Variants in SRBD1 observed in about 807,000 individuals in gnomAD.
SRBD1 encodes S1 RNA-binding domain-containing protein 1.
In SRBD1, 88 loss-of-function variants were observed where a neutral mutation model predicts 115.3. The ratio of observed to expected loss-of-function variants is 0.76; its 90% CI spans 0.64 to 0.91. SRBD1 has a LOEUF of 0.91. SRBD1 is among the 40% of genes least tolerant of loss of function. The pLI, the probability that SRBD1 is intolerant of heterozygous loss-of-function variation, is 0.00. For synonymous variants in SRBD1, 509 were observed against 407.7 expected (o/e 1.25, Z -2.99); for missense variants, 1,385 against 1,177.4 (o/e 1.18, Z -2.58).
At position 45,419,897 on chromosome 2, in the gene SRBD1, GA is replaced by G; in HGVS notation, c.2050-4del. The G allele has an allele frequency of 6.2e-7, 1 of 1,610,984 alleles. No individual in the cohort carries two copies. The highest frequency in any genetic ancestry group is 2.2e-5 in the East Asian group (1 of 44,826). ...AGTAAAGTCTGGGATACGTCATGCT[GA>G]AAAGACAAAGATCAAATATTAACAG... On this transcript the variant is annotated splice_region_variant and splice_polypyrimidine_tract_variant and intron_variant, in intron 16 of 20. Transcript: ENST00000263736.
chr2:45,586,789 C>T (rs113182583), intron 4 of SRBD1, among the ~76,000 whole-genome samples: 3,856 of 150,980 alleles, frequency 0.026, 170 homozygotes, highest in African/African-American at 0.09. Context: ...CCAAGCAATC[C>T]TCCCGTCTCA....
At chr2:45,538,104 T>A (rs933541730) in intron 14 of SRBD1, among the ~76,000 whole-genome samples, 2 of 152,160 alleles carry the variant, frequency 1.3e-5, no homozygotes, top group African/African-American at 4.8e-5. Context: ...ATGGCTGGTC[T>A]GAAGCCCAGG....
chr2:45,476,480 T>C (rs1669806206), intron 16 of SRBD1, among the ~76,000 whole-genome samples: 1 of 152,176 alleles, frequency 6.6e-6, no homozygotes, highest in Admixed American at 6.5e-5. Flanking sequence ...GCTATCACCA[T>C]AAATTCACTC....
intron 14 of SRBD1, among the ~76,000 whole-genome samples, chr2:45,506,203 G>A (rs528615717): frequency 2.6e-5 from 4 of 152,106 alleles, no homozygotes; most frequent in Non-Finnish European, 4.4e-5. Context: ...CAGATGAGCA[G>A]TATATGATTA....
rs956464826 is a variant in SRBD1 at position 45,395,166 on chromosome 2, A to T, written c.2514-2037T>A. 7.2e-5 allele frequency among the ~76,000 whole-genome samples: 11 copies of T among 152,352 alleles called. No homozygotes were observed. The South Asian group carries it at 2.3e-3, about 32-fold the overall frequency. ...CACCTTCTTGGTTTTATTGGTCTGC[A>T]ACTGGCTACTTAGCGGAGTATCTTT... On this transcript the variant is annotated intron_variant, in intron 19 of 20. Coordinates refer to ENST00000263736, the MANE Select transcript of SRBD1 (RefSeq NM_018079.5).
chr2:45,441,535 T>C (rs1668668604), intron 16 of SRBD1, among the ~76,000 whole-genome samples: 2 of 152,352 alleles, frequency 1.3e-5, no homozygotes, highest in African/African-American at 4.8e-5. Context: ...CTTTGTTCAT[T>C]TGCTGGCCAT....
intron 16 of SRBD1, among the ~76,000 whole-genome samples, chr2:45,463,284 C>T (rs1457619971): frequency 2.0e-5 from 3 of 152,126 alleles, no homozygotes; most frequent in Non-Finnish European, 4.4e-5. Flanking sequence ...CTTAGGCCTT[C>T]CTGCAGGATT....
At chr2:45,597,474 G>A (rs186595516) in intron 4 of SRBD1, among the ~76,000 whole-genome samples, 1 of 151,754 alleles carries the variant, frequency 6.6e-6, no homozygotes, top group South Asian at 2.1e-4. Flanking sequence ...GTTAGTCTAC[G>A]TAACTAATAA....
intron 19 of SRBD1, among the ~76,000 whole-genome samples, chr2:45,401,891 ATTAG>A (rs1667300565): frequency 6.6e-6 from 1 of 152,160 alleles, no homozygotes; most frequent in Non-Finnish European, 1.5e-5. Flanking sequence ...ACAGTCACTT[ATTAG>A]TTAGAAGACT....
intron 3 of SRBD1, among the ~76,000 whole-genome samples, chr2:45,600,684 G>C (rs1169184902): frequency 6.6e-6 from 1 of 152,158 alleles, no homozygotes; most frequent in Non-Finnish European, 1.5e-5. Context: ...GACAGCTCAA[G>C]TGTGAAGAAA....
chr2:45,466,007 C>T (rs1373043678), intron 16 of SRBD1, among the ~76,000 whole-genome samples: 2 of 152,116 alleles, frequency 1.3e-5, no homozygotes, highest in Non-Finnish European at 2.9e-5. Context: ...TTCAGAAATA[C>T]TGAATATCTA....
intron 4 of SRBD1, 37 bp from the exon 5 acceptor site, chr2:45,585,811 A>G (rs770526278): frequency 8.7e-5 from 130 of 1,491,296 alleles, no homozygotes; most frequent in Non-Finnish European, 1.1e-4. Context: ...TAAAATGCTG[A>G]AAATTAAACA....
intron 14 of SRBD1, among the ~76,000 whole-genome samples, chr2:45,488,627 A>C (rs1240558449): frequency 6.6e-6 from 1 of 152,214 alleles, no homozygotes; most frequent in Non-Finnish European, 1.5e-5. Flanking sequence ...TAATACAATG[A>C]ATACTCTCCC....
chr2:45,562,821 T>C (rs1672714751), intron 9 of SRBD1, 65 bp from the exon 10 acceptor site: 3 of 977,054 alleles, frequency 3.1e-6, no homozygotes, highest in Non-Finnish European at 1.5e-6. Context: ...CAGGCGACTA[T>C]GTAGCTGACA....
At chr2:45,568,981 A>G (rs1326341182) in intron 9 of SRBD1, among the ~76,000 whole-genome samples, 3 of 152,250 alleles carry the variant, frequency 2.0e-5, no homozygotes, top group Non-Finnish European at 4.4e-5. Context: ...ACACAAAAGT[A>G]AAATTGACAA....
At chr2:45,405,401 G>T (rs552731760) in intron 19 of SRBD1, among the ~76,000 whole-genome samples, 1 of 151,432 alleles carries the variant, frequency 6.6e-6, no homozygotes, top group South Asian at 2.1e-4. Context: ...AGGGACAAAG[G>T]GGGGTGGTAC....
At chr2:45,571,261 T>C (rs934696670) in intron 9 of SRBD1, among the ~76,000 whole-genome samples, 1 of 152,136 alleles carries the variant, frequency 6.6e-6, no homozygotes, top group African/African-American at 2.4e-5. Flanking sequence ...AGGGGATTTT[T>C]TTCTTTTAGG....
chr2:45,417,502 C>T (rs1047734896), intron 18 of SRBD1, among the ~76,000 whole-genome samples: 14 of 152,148 alleles, frequency 9.2e-5, no homozygotes, highest in Non-Finnish European at 1.6e-4. Context: ...TCTAGTGAGG[C>T]TTAATCAGTC....
intron 19 of SRBD1, among the ~76,000 whole-genome samples, chr2:45,408,923 T>C (rs1429156911): frequency 1.3e-5 from 2 of 152,022 alleles, no homozygotes; most frequent in Admixed American, 1.3e-4. Context: ...AACAAAAACA[T>C]ACATTATAAA....
Sources: allele counts gnomAD v4.1 joint callset (sites outside exome capture counted in the v4.1 genomes callset), GRCh38; gene constraint gnomAD v4.1.1; transcripts MANE v1.5; gene names NCBI Gene and HGNC (gene_info 2026-07-23, HGNC 2026-07-21).